Variants in PLCL2 observed in about 807,000 individuals in gnomAD.
The protein encoded by PLCL2 is phospholipase C like 2, also known as inactive phospholipase C-like protein 2.
In PLCL2, 4 loss-of-function variants were observed where a neutral mutation model predicts 79.6. The observed-to-expected ratio is 0.05, with a 90% CI of 0.02 to 0.11. The LOEUF (loss-of-function observed/expected upper bound fraction) is 0.11. Among genes scored for constraint, PLCL2 ranks in the 10% least tolerant of loss-of-function variants. The pLI is 1.00. For synonymous variants in PLCL2, 484 were observed against 457.7 expected, an observed-to-expected ratio of 1.06 and a Z score of -0.73; for missense variants, 895 against 1,291.0, an observed-to-expected ratio of 0.69 and a Z score of 4.70.
intron 2 of PLCL2, among the ~76,000 whole-genome samples, chr3:17,013,654 T>C (rs2064353125): frequency 6.6e-6 from 1 of 152,218 alleles, no homozygotes; most frequent in African/African-American, 2.4e-5. Flanking sequence ...AAAGTGTTCA[T>C]TCCCAAGAAC....
intron 5 of PLCL2, among the ~76,000 whole-genome samples, chr3:17,070,585 T>A (rs2065052187): frequency 6.6e-6 from 1 of 152,212 alleles, no homozygotes; most frequent in Admixed American, 6.5e-5. Context: ...CTGTGTGTCA[T>A]TTCTGTAGAA....
At chr3:17,054,280 T>A (rs2064872162) in intron 4 of PLCL2, among the ~76,000 whole-genome samples, 1 of 152,158 alleles carries the variant, frequency 6.6e-6, no homozygotes, top group Non-Finnish European at 1.5e-5. Context: ...AATAAGTTCC[T>A]CATTTCCATC....
At chr3:17,061,679 T>G (rs1001401302) in intron 4 of PLCL2, among the ~76,000 whole-genome samples, 2 of 152,164 alleles carry the variant, frequency 1.3e-5, no homozygotes, top group Non-Finnish European at 2.9e-5. Context: ...AAAGAAGCAA[T>G]AAATTTCTAA....
intron 5 of PLCL2, among the ~76,000 whole-genome samples, chr3:17,087,790 G>A (rs756170069): frequency 7.7e-4 from 117 of 152,220 alleles, no homozygotes; most frequent in Non-Finnish European, 1.5e-3. Context: ...GTTTTGCTGT[G>A]AACCTAAAAC....
intron 1 of PLCL2, among the ~76,000 whole-genome samples, chr3:16,961,262 C>G (rs1371147349): frequency 1.3e-5 from 2 of 152,168 alleles, no homozygotes; most frequent in African/African-American, 2.4e-5. Context: ...ATCCAAAGAC[C>G]TTTCCACTGC....
chr3:16,976,771 T>C (rs1173388860), intron 1 of PLCL2, among the ~76,000 whole-genome samples: 1 of 152,208 alleles, frequency 6.6e-6, no homozygotes, highest in African/African-American at 2.4e-5. Flanking sequence ...TTTGTGGGGC[T>C]TATTTATTTC....
chr3:17,083,730 T>C (rs1483051874), intron 5 of PLCL2, among the ~76,000 whole-genome samples: 3 of 152,082 alleles, frequency 2.0e-5, no homozygotes, highest in Non-Finnish European at 4.4e-5. Flanking sequence ...TACTGACAGA[T>C]GGGATGATAG....
intron 1 of PLCL2, among the ~76,000 whole-genome samples, chr3:16,895,939 C>T (rs1417647413): frequency 1.3e-5 from 2 of 152,128 alleles, no homozygotes; most frequent in East Asian, 3.8e-4. Flanking sequence ...AGTGGTTACA[C>T]TTGGGGATAA....
chr3:16,946,583 G>A (rs1393793547), intron 1 of PLCL2, among the ~76,000 whole-genome samples: 1 of 152,050 alleles, frequency 6.6e-6, no homozygotes, highest in Non-Finnish European at 1.5e-5. Flanking sequence ...AGTTTTTATG[G>A]GAGAATGAAT....
chr3:16,919,078 T>C (rs1354597526), intron 1 of PLCL2, among the ~76,000 whole-genome samples: 1 of 152,160 alleles, frequency 6.6e-6, no homozygotes, highest in African/African-American at 2.4e-5. Flanking sequence ...TTAATTAAAA[T>C]TTTTAGTTTT....
intron 1 of PLCL2, among the ~76,000 whole-genome samples, chr3:16,905,374 G>T (rs1355196238): frequency 3.9e-5 from 6 of 152,156 alleles, no homozygotes; most frequent in Non-Finnish European, 8.8e-5. Context: ...AAGCTGATTG[G>T]CTGTCAAACA....
intron 1 of PLCL2, among the ~76,000 whole-genome samples, chr3:16,946,682 TTTG>T (rs1232737498): frequency 8.5e-5 from 13 of 152,176 alleles, no homozygotes; most frequent in African/African-American, 3.1e-4. Flanking sequence ...TAAATTTTGT[TTTG>T]TTTTTTCATT....
chr3:17,068,577 C>T (rs1399405886), intron 5 of PLCL2, among the ~76,000 whole-genome samples: 1 of 152,164 alleles, frequency 6.6e-6, no homozygotes, highest in Non-Finnish European at 1.5e-5. Context: ...GAAATGCTAT[C>T]TGCTATCTCT....
At chr3:17,064,436 C>T (rs1043936819) in intron 4 of PLCL2, among the ~76,000 whole-genome samples, 1 of 152,136 alleles carries the variant, frequency 6.6e-6, no homozygotes, top group African/African-American at 2.4e-5. Flanking sequence ...TAAAATCCTT[C>T]TTCACCACTT....
At position 16,886,531 on chromosome 3, in the gene PLCL2, C is replaced by T. The variant is rs1467917183; in HGVS notation, c.327+1165C>T. On this transcript the variant is annotated intron_variant, in intron 1 of 5. Coordinates refer to ENST00000615277, the MANE Select transcript of PLCL2 (RefSeq NM_001144382.2). This position sits in a 1 kb window ranked among gnomAD's most constrained non-coding sequence, Gnocchi z 4.2. ...TATGCAGTAATCTAGTGAAATATAC[C>T]ATCTTGCTACTCTATGTAAGAGGCA... Among the ~76,000 whole-genome samples the T allele has an allele frequency of 6.6e-6, 1 of 152,138 alleles. No individual in the cohort carries two copies. The highest frequency in any genetic ancestry group is 1.5e-5 in the Non-Finnish European group (1 of 68,008).
intron 1 of PLCL2, among the ~76,000 whole-genome samples, chr3:16,894,882 G>T (rs1045637555): frequency 1.3e-5 from 2 of 151,908 alleles, no homozygotes; most frequent in African/African-American, 4.8e-5. Context: ...ATATATTCAA[G>T]TTGTTTATAT....
intron 1 of PLCL2, among the ~76,000 whole-genome samples, chr3:17,008,894 T>G (rs2064291322): frequency 6.6e-6 from 1 of 152,184 alleles, no homozygotes. Flanking sequence ...CATAGCTCAT[T>G]GCAGCCTCAA....
intron 1 of PLCL2, among the ~76,000 whole-genome samples, chr3:16,905,104 T>A (rs1230832442): frequency 6.6e-6 from 1 of 152,058 alleles, no homozygotes; most frequent in Non-Finnish European, 1.5e-5. Context: ...TGAGGATTAT[T>A]TTTGTTGTGA....
chr3:16,990,411 C>T (rs189175266), intron 1 of PLCL2, among the ~76,000 whole-genome samples: 19 of 152,258 alleles, frequency 1.2e-4, no homozygotes, highest in Admixed American at 3.3e-4. Context: ...TGGTCAGAGG[C>T]CCTGCGGAAG....
Sources: gnomAD v4.1 joint callset for allele counts (sites outside exome capture counted in the v4.1 genomes callset) on GRCh38, gnomAD v4.1.1 for gene constraint, Gnocchi (gnomAD v3.1) non-coding constraint, MANE v1.5 for transcripts, NCBI Gene and HGNC (gene_info 2026-07-23, HGNC 2026-07-21) for gene names.